The following BABAM2 variants were observed in gnomAD, a reference collection of about 807,000 sequenced individuals.
BABAM2 encodes BRISC and BRCA1 A complex member 2, also known as BRISC and BRCA1-A complex member 2.
Under a neutral mutation model 54.7 loss-of-function variants are expected in BABAM2, and 31 were observed. That is an observed-to-expected ratio of 0.57 (90% CI 0.43 to 0.77). The LOEUF is 0.77. BABAM2 is among the 30% of genes least tolerant of loss of function. The probability of loss-of-function intolerance (pLI) is 0.00; values close to 1 mark genes in which losing one functional copy is unlikely to be tolerated. For synonymous variants in BABAM2, 167 were observed against 162.9 expected, an observed-to-expected ratio of 1.03 and a Z score of -0.19; for missense variants, 364 against 455.8, an observed-to-expected ratio of 0.80 and a Z score of 1.83.
chr2:28,274,043 A>C (rs549765227), intron 10 of BABAM2, among the ~76,000 whole-genome samples: 1 of 152,332 alleles, frequency 6.6e-6, no homozygotes, highest in South Asian at 2.1e-4. Flanking sequence ...TGTCACCTCC[A>C]GGACTAGCTC....
rs1688377215 is a variant in BABAM2 at position 28,304,720 on chromosome 2, C to T, written c.1088+6229C>T. On this transcript the variant is annotated intron_variant, in intron 11 of 11. Transcript: ENST00000379624. The surrounding 1 kb of genome is among the most constrained non-coding windows in gnomAD (Gnocchi z 4.0). Reference sequence around the variant, plus strand: ...CCTCTTAAGTAGCTGGGACTACAGGCACACGCTGCCACGCCAGGCTAATTT... The same window carrying T: ...CCTCTTAAGTAGCTGGGACTACAGGTACACGCTGCCACGCCAGGCTAATTT... Among the ~76,000 whole-genome samples, 1 of 152,108 alleles carries T rather than the reference C, an allele frequency of 6.6e-6. No homozygotes were observed. Among genetic ancestry groups the T allele is most frequent in the Non-Finnish European group, 1.5e-5 (1 of 68,024 alleles).
chr2:28,190,124 G>C (rs780162963), intron 7 of BABAM2, among the ~76,000 whole-genome samples: 7 of 152,182 alleles, frequency 4.6e-5, no homozygotes, highest in Non-Finnish European at 8.8e-5. Context: ...TTACCCCATA[G>C]CATGTACAGC....
chr2:28,194,087 A>G (rs1468797512), intron 7 of BABAM2, among the ~76,000 whole-genome samples: 10 of 152,122 alleles, frequency 6.6e-5, no homozygotes, highest in Admixed American at 1.3e-4. Context: ...GGAGTGTTCC[A>G]GTCAAAGGGA....
intron 10 of BABAM2, among the ~76,000 whole-genome samples, chr2:28,280,021 A>G (rs1686221907): frequency 6.6e-6 from 1 of 151,918 alleles, no homozygotes; most frequent in Non-Finnish European, 1.5e-5. Context: ...TTTGACTTAT[A>G]AGAACGCATT....
At chr2:28,094,861 C>G (rs1004905108) in intron 6 of BABAM2, among the ~76,000 whole-genome samples, 4 of 150,862 alleles carry the variant, frequency 2.7e-5, no homozygotes, top group South Asian at 4.2e-4. Context: ...TTTTACTTAA[C>G]AATGCATCTT....
intron 6 of BABAM2, among the ~76,000 whole-genome samples, chr2:28,113,077 A>G (rs1668277133): frequency 6.6e-6 from 1 of 152,086 alleles, no homozygotes; most frequent in African/African-American, 2.4e-5. Context: ...AATTTGTTTG[A>G]GTTCCTTGTA....
chr2:28,297,584 G>A (rs1395613097), intron 10 of BABAM2, among the ~76,000 whole-genome samples: 1 of 152,192 alleles, frequency 6.6e-6, no homozygotes, highest in African/African-American at 2.4e-5. Flanking sequence ...CATGTTAACA[G>A]CAAGGATTGG....
intron 7 of BABAM2, among the ~76,000 whole-genome samples, chr2:28,165,007 A>G (rs1673495120): frequency 6.6e-6 from 1 of 152,042 alleles, no homozygotes; most frequent in South Asian, 2.1e-4. Flanking sequence ...TCATGTTTTC[A>G]CTTATTTTTT....
intron 10 of BABAM2, among the ~76,000 whole-genome samples, chr2:28,257,349 T>C (rs1331788752): frequency 2.0e-5 from 3 of 152,236 alleles, no homozygotes; most frequent in Non-Finnish European, 4.4e-5. Context: ...CCTTTGCAGT[T>C]GGTCTCCTCC....
At chr2:28,291,166 A>G (rs1687249909) in intron 10 of BABAM2, among the ~76,000 whole-genome samples, 2 of 152,214 alleles carry the variant, frequency 1.3e-5, no homozygotes, top group South Asian at 4.1e-4. Flanking sequence ...TCACTAATTA[A>G]TGGTGTAGCC....
chr2:28,265,657 A>G (rs1459800833), intron 10 of BABAM2, among the ~76,000 whole-genome samples: 1 of 151,964 alleles, frequency 6.6e-6, no homozygotes, highest in Non-Finnish European at 1.5e-5. Context: ...CACACACACG[A>G]CACACGTACA....
intron 3 of BABAM2, among the ~76,000 whole-genome samples, chr2:27,956,908 A>T (rs1393114427): frequency 6.6e-6 from 1 of 152,190 alleles, no homozygotes; most frequent in African/African-American, 2.4e-5. Flanking sequence ...AGATAAATTT[A>T]ATTTATCCCA....
rs1261759583 is a variant in BABAM2 at position 28,112,151 on chromosome 2, C to CTTCCTTCCT, written c.571-17119_571-17118insTCCTTCCTT. ...TTTCTTTCTTTCTTTCTTTCTTTAC[C>CTTCCTTCCT]TCCCTCCCTCCCTCCCTCCCTCCCT... On this transcript the variant is annotated intron_variant, in intron 6 of 11. Coordinates refer to ENST00000379624, the MANE Select transcript of BABAM2 (RefSeq NM_199191.3). Among the ~76,000 whole-genome samples, 7 of 19,618 alleles carry CTTCCTTCCT rather than the reference C, an allele frequency of 3.6e-4. 1 individual carries two copies. The highest frequency in any genetic ancestry group is 6.2e-4 in the Non-Finnish European group (7 of 11,322). 12.9% of individuals were successfully genotyped at this position (19,618 alleles called of 152,430 possible).
chr2:27,972,183 T>G (rs1233645636), intron 3 of BABAM2, among the ~76,000 whole-genome samples: 1 of 152,206 alleles, frequency 6.6e-6, no homozygotes, highest in Non-Finnish European at 1.5e-5. Flanking sequence ...TGTCTTATTA[T>G]TAACCACTGA....
intron 8 of BABAM2, among the ~76,000 whole-genome samples, chr2:28,239,321 C>G (rs1436640298): frequency 2.0e-5 from 3 of 152,194 alleles, no homozygotes; most frequent in Admixed American, 6.5e-5. Flanking sequence ...AGCACTTTAT[C>G]TTGAGCTTTT....
chr2:28,137,869 C>T (rs529087509), intron 7 of BABAM2, among the ~76,000 whole-genome samples: 12 of 152,230 alleles, frequency 7.9e-5, no homozygotes, highest in African/African-American at 2.9e-4. Context: ...TGCCTTATTT[C>T]TCTTAAATGC....
chr2:28,110,547 C>G (rs1667909683), intron 6 of BABAM2, among the ~76,000 whole-genome samples: 2 of 151,930 alleles, frequency 1.3e-5, no homozygotes, highest in Non-Finnish European at 2.9e-5. Flanking sequence ...TCACTTGAAC[C>G]CGGGAAGTGG....
At chr2:28,062,526 G>A (rs1678967617) in intron 6 of BABAM2, among the ~76,000 whole-genome samples, 2 of 142,426 alleles carry the variant, frequency 1.4e-5, no homozygotes, top group African/African-American at 2.7e-5. Context: ...TTGCGTCACT[G>A]CACTCCAGCC....
intron 6 of BABAM2, among the ~76,000 whole-genome samples, chr2:28,058,000 C>T (rs1436401512): frequency 1.3e-5 from 2 of 152,008 alleles, no homozygotes; most frequent in African/African-American, 2.4e-5. Context: ...AAAAATTAAC[C>T]GGGCATGGTG....
Sources: gnomAD v4.1 joint callset for allele counts (sites outside exome capture counted in the v4.1 genomes callset) on GRCh38, gnomAD v4.1.1 for gene constraint, Gnocchi (gnomAD v3.1) non-coding constraint, MANE v1.5 for transcripts, NCBI Gene and HGNC (gene_info 2026-07-23, HGNC 2026-07-21) for gene names.